SPRED1: variants seen among roughly 807,000 people sequenced by gnomAD.
SPRED1 encodes sprouty-related, EVH1 domain-containing protein 1.
SPRED1 carries 18 observed loss-of-function variants against 52.3 expected under a neutral mutation model. That is an observed-to-expected ratio of 0.34 (90% CI 0.24 to 0.51). The LOEUF (loss-of-function observed/expected upper bound fraction) is 0.51, where lower values mean the gene tolerates loss of function less well. SPRED1 is among the 20% of genes least tolerant of loss of function. The pLI, the probability that SPRED1 is intolerant of heterozygous loss-of-function variation, is 0.97. For missense variants in SPRED1, 485 were observed against 551.0 expected (o/e 0.88, Z 1.20); for synonymous variants, 155 against 179.7 (o/e 0.86, Z 1.10).
At chr15:38,316,756 T>G (rs1378207914) in intron 2 of SPRED1, among the ~76,000 whole-genome samples, 2 of 146,034 alleles carry the variant, frequency 1.4e-5, no homozygotes, top group African/African-American at 5.0e-5. Context: ...ATGTTTTTTT[T>G]TTTTTTTTTT....
chr15:38,315,399 T>C (rs1895456194), intron 2 of SPRED1, among the ~76,000 whole-genome samples: 1 of 151,952 alleles, frequency 6.6e-6, no homozygotes, highest in African/African-American at 2.4e-5. Flanking sequence ...TCTTCCAAAT[T>C]ATTAGTTGTT....
At chr15:38,291,275 C>A (rs906553989) in intron 1 of SPRED1, among the ~76,000 whole-genome samples, 14 of 152,172 alleles carry the variant, frequency 9.2e-5, no homozygotes, top group African/African-American at 3.1e-4. Flanking sequence ...TGGTCTTGGG[C>A]ATCTCTGCCC....
At chr15:38,339,955 CAT>C in intron 5 of SPRED1, 60 bp downstream of exon 5, 1 of 1,599,828 alleles carries the variant, frequency 6.3e-7, no homozygotes. Context: ...TGAATGATGT[CAT>C]AGATAAGGAC....
chr15:38,330,093 C>G (rs750129085), intron 4 of SPRED1, among the ~76,000 whole-genome samples: 24 of 152,096 alleles, frequency 1.6e-4, no homozygotes, highest in Non-Finnish European at 1.6e-4. Flanking sequence ...GTAACTACTG[C>G]TTATTAACTC....
intron 1 of SPRED1, among the ~76,000 whole-genome samples, chr15:38,261,730 G>C (rs1019521108): frequency 6.6e-6 from 1 of 152,144 alleles, no homozygotes; most frequent in African/African-American, 2.4e-5. Context: ...TTGGAATGTG[G>C]AATGTAATTC....
At chr15:38,337,082 T>C (rs1386491957) in intron 4 of SPRED1, among the ~76,000 whole-genome samples, 3 of 152,356 alleles carry the variant, frequency 2.0e-5, no homozygotes, top group Admixed American at 2.0e-4. Flanking sequence ...TTGGTACATT[T>C]TATTAAATGC....
intron 4 of SPRED1, among the ~76,000 whole-genome samples, chr15:38,336,476 T>A (rs923401503): frequency 4.8e-5 from 7 of 147,012 alleles, no homozygotes; most frequent in Non-Finnish European, 9.0e-5. Flanking sequence ...TTTATATATA[T>A]GTTATATATA....
intron 2 of SPRED1, among the ~76,000 whole-genome samples, chr15:38,316,748 GTTT>G (rs1555390721): frequency 2.1e-4 from 9 of 41,908 alleles, no homozygotes; most frequent in African/African-American, 8.4e-4. Flanking sequence ...TCCATTATAT[GTTT>G]TTTTTTTTTT....
At chr15:38,270,748 A>C (rs1468898254) in intron 1 of SPRED1, among the ~76,000 whole-genome samples, 1 of 152,218 alleles carries the variant, frequency 6.6e-6, no homozygotes. Flanking sequence ...ATCAGCATTA[A>C]ATTAAATTGA....
intron 5 of SPRED1, among the ~76,000 whole-genome samples, chr15:38,344,412 AAG>A (rs1341355413): frequency 1.3e-5 from 2 of 152,308 alleles, no homozygotes; most frequent in Non-Finnish European, 2.9e-5. Flanking sequence ...GATGGGGAAA[AAG>A]AACTGAACTC....
At chr15:38,314,066 A>G (rs1184359777) in intron 2 of SPRED1, among the ~76,000 whole-genome samples, 3 of 151,876 alleles carry the variant, frequency 2.0e-5, no homozygotes, top group African/African-American at 7.2e-5. Flanking sequence ...AGCCTATGCA[A>G]TAACAGTTAT....
chr15:38,261,910 G>T (rs1209060196), intron 1 of SPRED1, among the ~76,000 whole-genome samples: 1 of 151,356 alleles, frequency 6.6e-6, no homozygotes, highest in African/African-American at 2.4e-5. Context: ...TTAGTGAGTT[G>T]TGTCTTTTCT....
intron 1 of SPRED1, among the ~76,000 whole-genome samples, chr15:38,288,594 G>T (rs1595727364): frequency 6.6e-6 from 1 of 152,248 alleles, no homozygotes; most frequent in East Asian, 1.9e-4. Context: ...CCCAACTAAA[G>T]GAAACAGCGT....
rs534331052 is a variant in SPRED1 at position 38,341,962 on chromosome 15, G to C, written c.582+2067G>C. On this transcript the variant is annotated intron_variant, in intron 5 of 6. Coordinates refer to ENST00000299084, the MANE Select transcript of SPRED1 (RefSeq NM_152594.3). ...TCTTCTGGTTAGCGCTTTCACAATA[G>C]GTTTTTTTCTTTTTTCCTTCCAACA... Among the ~76,000 whole-genome samples, 5 of 149,310 alleles carry C rather than the reference G, an allele frequency of 3.3e-5. No individual in the cohort carries two copies. The South Asian group carries it at 6.3e-4, about 19-fold the overall frequency.
intron 4 of SPRED1, among the ~76,000 whole-genome samples, chr15:38,339,378 G>A (rs1895985829): frequency 6.6e-6 from 1 of 152,030 alleles, no homozygotes; most frequent in Admixed American, 6.6e-5. Flanking sequence ...ACATAGATTT[G>A]TGTTTTCTTC....
intron 2 of SPRED1, among the ~76,000 whole-genome samples, chr15:38,307,922 A>G (rs73398437): frequency 0.05 from 7,659 of 152,236 alleles, 339 homozygotes; most frequent in African/African-American, 0.11. Context: ...TGTAAATGAT[A>G]TATTTTAAAA....
At chr15:38,350,969 A>C in intron 6 of SPRED1, 45 bp from the exon 7 acceptor site, 1 of 1,574,936 alleles carries the variant, frequency 6.3e-7, no homozygotes, top group Non-Finnish European at 8.6e-7. Flanking sequence ...ACGTAAAATT[A>C]ACCATCATAG....
At chr15:38,311,189 T>C (rs1895359948) in intron 2 of SPRED1, among the ~76,000 whole-genome samples, 1 of 152,208 alleles carries the variant, frequency 6.6e-6, no homozygotes, top group Non-Finnish European at 1.5e-5. Flanking sequence ...TTTGTGTCAA[T>C]TGATCACATT....
intron 4 of SPRED1, among the ~76,000 whole-genome samples, chr15:38,332,116 A>G (rs1219584527): frequency 1.3e-5 from 2 of 152,206 alleles, no homozygotes; most frequent in East Asian, 1.9e-4. Flanking sequence ...ATAGACTGCA[A>G]TATAAATGGG....
Sources: gnomAD v4.1 joint callset for allele counts (sites outside exome capture counted in the v4.1 genomes callset) on GRCh38, gnomAD v4.1.1 for gene constraint, MANE v1.5 for transcripts, NCBI Gene and HGNC (gene_info 2026-07-23, HGNC 2026-07-21) for gene names.